F11R: variants seen among roughly 807,000 people sequenced by gnomAD.
F11R encodes junctional adhesion molecule A.
A neutral mutation model predicts 39.3 loss-of-function variants in F11R; 27 were observed. The observed-to-expected ratio is 0.69, with a 90% CI of 0.51 to 0.95. The LOEUF is 0.95. Among genes scored for constraint, F11R ranks in the 40% least tolerant of loss-of-function variants. The pLI, the probability that F11R is intolerant of heterozygous loss-of-function variation, is 0.00. For missense variants in F11R, 335 were observed against 372.7 expected (o/e 0.90, Z 0.83); for synonymous variants, 131 against 144.9 (o/e 0.90, Z 0.69).
chr1:161,010,211 C>T (rs998369417), intron 1 of F11R, among the ~76,000 whole-genome samples: 6 of 151,794 alleles, frequency 4.0e-5, no homozygotes, highest in Admixed American at 1.3e-4. Flanking sequence ...TTTGAGAGTC[C>T]GAAGCAAGCG....
chr1:161,012,552 A>C (rs1341164268), intron 1 of F11R, among the ~76,000 whole-genome samples: 1 of 151,902 alleles, frequency 6.6e-6, no homozygotes, highest in African/African-American at 2.4e-5. Context: ...AAATAAAAGA[A>C]AAAAAGAATT....
rs1427798734 is a variant in F11R at position 160,995,234 on chromosome 1, G to A, written c.*3637C>T. ...GCTAAAGAATTGGATATTTTTTAAT[G>A]CAAATTGTTGTTTTTCTTCATTTGT... On this transcript the variant is annotated 3_prime_UTR_variant, in exon 10 of 10. Transcript: ENST00000368026. The A allele has an allele frequency of 6.6e-6, 1 of 152,164 alleles. No homozygotes were observed. Among genetic ancestry groups the A allele is most frequent in the Non-Finnish European group, 1.5e-5 (1 of 68,014 alleles). The allele number at this position is 152,164 out of a possible 1,614,324, so 9.4% of individuals were successfully genotyped here. A position where few individuals can be genotyped will look rare whatever the true frequency, so the allele number is the denominator to read the frequency against.
chr1:160,997,143 G>C lies in F11R; in HGVS notation c.*1728C>G, dbSNP rs1048127755. 1 of 152,346 alleles carries C rather than the reference G, an allele frequency of 6.6e-6. No homozygotes were observed. Among genetic ancestry groups the C allele is most frequent in the African/African-American group, 2.4e-5 (1 of 41,456 alleles). 9.4% of individuals were successfully genotyped at this position (152,346 alleles called of 1,614,324 possible). On this transcript the variant is annotated 3_prime_UTR_variant, in exon 10 of 10. Transcript: ENST00000368026. ...AAGGGCAGAGAAGGGTCCAAATGGGGAGGAAGAAAGCAATGACAGCCAGGC... is the reference window on the plus strand; with the variant it reads ...AAGGGCAGAGAAGGGTCCAAATGGGCAGGAAGAAAGCAATGACAGCCAGGC...
chr1:161,008,223 C>T (rs908741323), intron 1 of F11R, among the ~76,000 whole-genome samples: 4 of 152,116 alleles, frequency 2.6e-5, no homozygotes, highest in African/African-American at 9.7e-5. Flanking sequence ...CAGCCAGGCA[C>T]GGTGACTCAC....
intron 1 of F11R, among the ~76,000 whole-genome samples, 153 bp from the exon 2 acceptor site, chr1:161,001,506 T>A (rs1280575624): frequency 6.6e-6 from 1 of 152,204 alleles, no homozygotes; most frequent in African/African-American, 2.4e-5. Flanking sequence ...TCACACTTTG[T>A]CACCATGATC....
chr1:161,006,939 G>C (rs1299392217), intron 1 of F11R, among the ~76,000 whole-genome samples: 8 of 151,342 alleles, frequency 5.3e-5, no homozygotes, highest in Admixed American at 5.3e-4. Context: ...CGAAGCAGGT[G>C]GATCACCTGA....
At chr1:161,011,889 T>C (rs559400973) in intron 1 of F11R, among the ~76,000 whole-genome samples, 3 of 152,204 alleles carry the variant, frequency 2.0e-5, no homozygotes, top group Admixed American at 6.5e-5. Context: ...TTCCTATTTT[T>C]CTACATGGAG....
intron 6 of F11R, 21 bp from the exon 7 acceptor site, chr1:160,999,768 G>C (rs764247358): frequency 6.2e-7 from 1 of 1,612,844 alleles, no homozygotes; most frequent in Admixed American, 1.7e-5. Flanking sequence ...CAAATAAGAA[G>C]TCAGGCACGG....
At chr1:161,001,902 G>A (rs915908107) in intron 1 of F11R, among the ~76,000 whole-genome samples, 2 of 152,128 alleles carry the variant, frequency 1.3e-5, no homozygotes, top group African/African-American at 4.8e-5. Flanking sequence ...ATGACAGATC[G>A]GCAAGACGTA....
At chr1:161,015,582 C>G (rs1052305164) in intron 1 of F11R, among the ~76,000 whole-genome samples, 1 of 106,796 alleles carries the variant, frequency 9.4e-6, no homozygotes, top group Non-Finnish European at 2.0e-5. Context: ...CACAGCAAGA[C>G]TTTGTCTCAA....
At position 161,001,019 on chromosome 1, in the gene F11R, C is replaced by T. The variant is rs1426606237; in HGVS notation, c.241+1G>A. 1 of 1,612,822 alleles carries T rather than the reference C, an allele frequency of 6.2e-7. No individual in the cohort carries two copies. Among genetic ancestry groups the T allele is most frequent in the Admixed American group, 1.7e-5 (1 of 60,012 alleles). The stretch of plus-strand genomic sequence containing the variant: ...ATCAGGAAGGAGGAGAAGCAACTCA[C>T]CTGTGATCTTGTTATTATAGCAAAC... On this transcript the variant is annotated splice_donor_variant, in intron 3 of 9. Transcript: ENST00000368026. LOFTEE classifies it high-confidence loss of function.
intron 1 of F11R, among the ~76,000 whole-genome samples, chr1:161,011,430 A>G (rs571246250): frequency 6.6e-6 from 1 of 151,992 alleles, no homozygotes; most frequent in Non-Finnish European, 1.5e-5. Context: ...CTTTAGGAAT[A>G]ATGTAGAAAG....
At chr1:161,019,686 T>C (rs1649643803) in intron 1 of F11R, among the ~76,000 whole-genome samples, 1 of 151,784 alleles carries the variant, frequency 6.6e-6, no homozygotes, top group African/African-American at 2.4e-5. Flanking sequence ...TCTGAAGCAG[T>C]ATCCCAAACA....
At chr1:160,999,787 A>T (rs779498236) in intron 6 of F11R, 40 bp from the exon 7 acceptor site, 1 of 1,604,378 alleles carries the variant, frequency 6.2e-7, no homozygotes, top group Non-Finnish European at 8.5e-7. Context: ...GGGGATACTC[A>T]CTCACGGCAC....
rs1557887695 is a variant in F11R at position 160,997,017 on chromosome 1, A to T, written c.*1854T>A. On this transcript the variant is annotated 3_prime_UTR_variant, in exon 10 of 10. Coordinates refer to ENST00000368026, the MANE Select transcript of F11R (RefSeq NM_016946.6). ...GTCGCACTTAGTATATCCTCCACAG[A>T]AAGAAAGAAGCAAAATCAAGCCAAG... 6.6e-6 allele frequency: 1 copy of T among 152,366 alleles called. No homozygotes were observed. The highest frequency in any genetic ancestry group is 1.9e-4 in the East Asian group (1 of 5,342). The allele number at this position is 152,366 out of a possible 1,614,324, so 9.4% of individuals were successfully genotyped here.
intron 1 of F11R, among the ~76,000 whole-genome samples, chr1:161,016,673 A>T (rs1016639326): frequency 2.6e-5 from 4 of 151,764 alleles, no homozygotes; most frequent in Non-Finnish European, 5.9e-5. Flanking sequence ...AAAAAAAGTG[A>T]TCTGGAGCCA....
Position 161,000,354 on chromosome 1 carries a change from G to A in F11R, c.389-6C>T, listed in dbSNP as rs202149492. The A allele has an allele frequency of 6.2e-7, 1 of 1,613,250 alleles. No individual in the cohort carries two copies. The highest frequency in any genetic ancestry group is 8.5e-7 in the Non-Finnish European group (1 of 1,179,914). ...TGTAGGCTTGGATGGAGGCACTGTG[G>A]AAGAGAAAGACAGAAGGTGCTGAGT... On this transcript the variant is annotated splice_region_variant and splice_polypyrimidine_tract_variant and intron_variant, in intron 4 of 9. Transcript: ENST00000368026.
At position 160,995,300 on chromosome 1, in the gene F11R, GT is replaced by G. The variant is rs1404413073; in HGVS notation, c.*3570del. Reference sequence around the variant, plus strand: ...GTCCTCAGGCCCCAAGAAACATACTGTCCCCTCATTTAGAAACAGACTAACT... The same window carrying G: ...GTCCTCAGGCCCCAAGAAACATACTGCCCCTCATTTAGAAACAGACTAACT... On this transcript the variant is annotated 3_prime_UTR_variant, in exon 10 of 10. Transcript: ENST00000368026. 1 of 152,082 alleles carries G rather than the reference GT, an allele frequency of 6.6e-6. No individual in the cohort carries two copies. The allele number at this position is 152,082 out of a possible 1,614,324, so 9.4% of individuals were successfully genotyped here. A position where few individuals can be genotyped will look rare whatever the true frequency, so the allele number is the denominator to read the frequency against.
intron 3 of F11R, 53 bp downstream of exon 3, chr1:161,000,967 C>A (rs996065004): frequency 6.5e-7 from 1 of 1,541,120 alleles, no homozygotes; most frequent in African/African-American, 1.4e-5. Context: ...AGAATCCAGG[C>A]ATGATAATCC....
Sources: gnomAD v4.1 joint callset for allele counts (sites outside exome capture counted in the v4.1 genomes callset) on GRCh38, gnomAD v4.1.1 for gene constraint, MANE v1.5 for transcripts, NCBI Gene and HGNC (gene_info 2026-07-23, HGNC 2026-07-21) for gene names.